Variants in TMPRSS15 observed in about 807,000 individuals in gnomAD.
TMPRSS15 encodes enteropeptidase.
A neutral mutation model predicts 125.3 loss-of-function variants in TMPRSS15; 128 were observed. That is an observed-to-expected ratio of 1.02 (90% CI 0.89 to 1.18). TMPRSS15 has a LOEUF of 1.18. Ranked by LOEUF, TMPRSS15 falls within the 50% of genes most tolerant of loss-of-function variation. The pLI is 0.00. For missense variants in TMPRSS15, 1,283 were observed against 1,212.7 expected, an observed-to-expected ratio of 1.06 and a Z score of -0.86; for synonymous variants, 446 against 423.2, an observed-to-expected ratio of 1.05 and a Z score of -0.66.
chr21:18,343,641 AC>A lies in TMPRSS15; in HGVS notation c.1292del (p.Gly431ValfsTer7). 6.2e-7 allele frequency: 1 copy of A among 1,613,628 alleles called. No homozygotes were observed. The highest frequency in any genetic ancestry group is 1.1e-5 in the South Asian group (1 of 91,068). Reference sequence around the variant, plus strand: ...TAATGCTTAATTTATGGACATTTTCACCATACATATGATACCTAGTTTGGAA... The same window carrying A: ...TAATGCTTAATTTATGGACATTTTCACATACATATGATACCTAGTTTGGAA... The part of the protein sequence containing the change: ...ACLSFWYHMY[G>X]ENVHKLSINI... On this transcript the variant is annotated frameshift_variant, in exon 12 of 25. Transcript: ENST00000284885. LOFTEE classifies it high-confidence loss of function.
Position 18,400,579 on chromosome 21 carries a change from C to T in TMPRSS15, c.146-2250G>A, listed in dbSNP as rs185484922. On this transcript the variant is annotated intron_variant, in intron 1 of 24. Coordinates refer to ENST00000284885, the MANE Select transcript of TMPRSS15 (RefSeq NM_002772.3). ...ACCTTTCACCATATACAAAAATTAA[C>T]GCAAGATAAATTAAAGATTTAAATT... 2.6e-3 allele frequency among the ~76,000 whole-genome samples: 391 copies of T among 152,080 alleles called. 1 individual carries two copies. The highest frequency in any genetic ancestry group is 3.8e-3 in the Non-Finnish European group (257 of 67,956).
chr21:18,470,230 G>C (rs1024771786), intron 1 of TMPRSS15, among the ~76,000 whole-genome samples: 7 of 151,822 alleles, frequency 4.6e-5, no homozygotes, highest in African/African-American at 1.7e-4. Context: ...TTTTCTTTGG[G>C]CCTTCACATC....
At chr21:18,320,516 C>T (rs935522631) in intron 16 of TMPRSS15, among the ~76,000 whole-genome samples, 1 of 152,004 alleles carries the variant, frequency 6.6e-6, no homozygotes. Context: ...TGGAAACAGA[C>T]AAATATCTGA....
intron 1 of TMPRSS15, among the ~76,000 whole-genome samples, chr21:18,470,751 GAGAT>G (rs1483928555): frequency 6.6e-6 from 1 of 151,904 alleles, no homozygotes; most frequent in African/African-American, 2.4e-5. Flanking sequence ...GAAAAAATGG[GAGAT>G]AGAGAAGGCA....
At position 18,269,171 on chromosome 21, in the gene TMPRSS15, G is replaced by T. The variant is rs1049512864; in HGVS notation, c.*798C>A. The T allele has an allele frequency of 3.9e-5, 6 of 152,116 alleles. No homozygotes were observed. The highest frequency in any genetic ancestry group is 1.4e-4 in the African/African-American group (6 of 41,426). 9.4% of individuals were successfully genotyped at this position (152,116 alleles called of 1,614,324 possible). A position where few individuals can be genotyped will look rare whatever the true frequency, so the allele number is the denominator to read the frequency against. ...ACCTTCTCATGGGTGATTCAGCTGT[G>T]TCTAAATAAGTTTTCATATATTAGA... is the stretch of plus-strand genomic sequence containing the variant. On this transcript the variant is annotated 3_prime_UTR_variant, in exon 25 of 25. Transcript: ENST00000284885.
At position 18,315,199 on chromosome 21, in the gene TMPRSS15, T is replaced by C; in HGVS notation, c.1979A>G (p.Asn660Ser). The C allele has an allele frequency of 1.2e-6, 2 of 1,613,976 alleles. No homozygotes were observed. Among genetic ancestry groups the C allele is most frequent in the South Asian group, 1.1e-5 (1 of 91,080 alleles). The change falls in exon 17 of 25, where the codon AAT becomes AGT. Residue 660 changes from asparagine to serine, a missense_variant. Physicochemically the swap from Asn to Ser is conservative, Grantham distance 46. Transcript: ENST00000284885. Reference protein sequence around the residue: ...CKNGECVPLVNLCDGHLHCED... With the variant: ...CKNGECVPLVSLCDGHLHCED... Reference sequence around the variant, plus strand: ...ACAGTGCAGATGACCGTCACAGAGATTCACCAGTGGAACACACTCTCCATT... The same window carrying C: ...ACAGTGCAGATGACCGTCACAGAGACTCACCAGTGGAACACACTCTCCATT...
At chr21:18,450,202 T>C (rs374774772) in intron 1 of TMPRSS15, among the ~76,000 whole-genome samples, 78 of 152,290 alleles carry the variant, frequency 5.1e-4, no homozygotes, top group Non-Finnish European at 1.0e-3. Flanking sequence ...CTTAACTTCA[T>C]ATTTTTATTG....
At chr21:18,330,907 C>T (rs576802025) in intron 14 of TMPRSS15, among the ~76,000 whole-genome samples, 1 of 152,024 alleles carries the variant, frequency 6.6e-6, no homozygotes, top group Admixed American at 6.5e-5. Flanking sequence ...CCCGTCTCTA[C>T]TAAAAATACA....
intron 3 of TMPRSS15, among the ~76,000 whole-genome samples, chr21:18,393,625 A>T (rs1348934497): frequency 6.6e-6 from 1 of 152,140 alleles, no homozygotes; most frequent in Non-Finnish European, 1.5e-5. Flanking sequence ...ATACAACCTG[A>T]CATGTAATGC....
intron 16 of TMPRSS15, among the ~76,000 whole-genome samples, chr21:18,324,734 A>G (rs1474823): frequency 0.55 from 83,703 of 151,974 alleles, 23,525 homozygotes; most frequent in East Asian, 0.67. Flanking sequence ...AGAAAGATTT[A>G]GCTTTTCTCC....
chr21:18,346,712 C>T (rs2075512749), intron 10 of TMPRSS15, among the ~76,000 whole-genome samples: 1 of 152,200 alleles, frequency 6.6e-6, no homozygotes, highest in Non-Finnish European at 1.5e-5. Context: ...GGAACTATTA[C>T]TGAAGACAGA....
chr21:18,418,116 T>A (rs902271161), intron 1 of TMPRSS15, among the ~76,000 whole-genome samples: 1 of 152,144 alleles, frequency 6.6e-6, no homozygotes. Flanking sequence ...CATGTCCAAT[T>A]AAAACAAAAG....
intron 4 of TMPRSS15, chr21:18,380,457 G>T: frequency 2.3e-6 from 1 of 433,034 alleles, no homozygotes; most frequent in Non-Finnish European, 4.9e-6. Flanking sequence ...AGAAATAGCT[G>T]CAAGAAAAAA....
intron 13 of TMPRSS15, among the ~76,000 whole-genome samples, chr21:18,334,431 C>T (rs185030349): frequency 8.5e-5 from 13 of 152,078 alleles, no homozygotes; most frequent in African/African-American, 2.7e-4. Context: ...GGGGAGAGAA[C>T]GCAATGTATA....
At chr21:18,384,834 G>C (rs2075928448) in intron 3 of TMPRSS15, among the ~76,000 whole-genome samples, 1 of 152,064 alleles carries the variant, frequency 6.6e-6, no homozygotes. Flanking sequence ...CTTGTTGAAG[G>C]ATTTTCTCAA....
intron 14 of TMPRSS15, 48 bp from the exon 15 acceptor site, chr21:18,329,342 C>G: frequency 6.3e-7 from 1 of 1,574,886 alleles, no homozygotes; most frequent in East Asian, 2.3e-5. Context: ...TTGGTGATTT[C>G]TCTTAAAAGC....
intron 5 of TMPRSS15, among the ~76,000 whole-genome samples, chr21:18,373,452 T>G (rs2075812450): frequency 6.6e-6 from 1 of 152,032 alleles, no homozygotes; most frequent in African/African-American, 2.4e-5. Flanking sequence ...TAATAAATAA[T>G]AATAAAAATA....
chr21:18,451,296 A>C (rs1033567136), intron 1 of TMPRSS15, among the ~76,000 whole-genome samples: 2 of 152,176 alleles, frequency 1.3e-5, no homozygotes, highest in African/African-American at 4.8e-5. Flanking sequence ...TACTGTACAC[A>C]GTTCACCAAA....
At chr21:18,456,968 C>A (rs961495936) in intron 1 of TMPRSS15, among the ~76,000 whole-genome samples, 3 of 151,980 alleles carry the variant, frequency 2.0e-5, no homozygotes, top group African/African-American at 4.8e-5. Context: ...ATAGTGAATT[C>A]CAAAACATTT....
Sources: allele counts gnomAD v4.1 joint callset (sites outside exome capture counted in the v4.1 genomes callset), GRCh38; gene constraint gnomAD v4.1.1; transcripts MANE v1.5; gene names NCBI Gene and HGNC (gene_info 2026-07-23, HGNC 2026-07-21).